The following MAST4 variants were observed in gnomAD, a reference collection of about 807,000 sequenced individuals.
MAST4 encodes microtubule-associated serine/threonine-protein kinase 4.
Under a neutral mutation model 162.7 loss-of-function variants are expected in MAST4, and 89 were observed. The ratio of observed to expected loss-of-function variants is 0.55; its 90% CI spans 0.46 to 0.65. The LOEUF (loss-of-function observed/expected upper bound fraction) is 0.65. Among genes scored for constraint, MAST4 ranks in the 30% least tolerant of loss-of-function variants. The pLI is 0.00. For missense variants in MAST4, 3,153 were observed against 3,374.0 expected (o/e 0.93, Z 1.62); for synonymous variants, 1,479 against 1,361.1 (o/e 1.09, Z -1.91).
At chr5:67,121,506 G>A (rs1243768794) in intron 14 of MAST4, among the ~76,000 whole-genome samples, 1 of 151,448 alleles carries the variant, frequency 6.6e-6, no homozygotes, top group Non-Finnish European at 1.5e-5. Flanking sequence ...AAATTAGCCT[G>A]TATTTCATGT....
chr5:67,027,228 A>G (rs1754756262), intron 4 of MAST4, among the ~76,000 whole-genome samples: 1 of 152,202 alleles, frequency 6.6e-6, no homozygotes, highest in African/African-American at 2.4e-5. Context: ...TATTGGCAGT[A>G]CTGAATTCAC....
chr5:66,622,145 AGATTTTGACAGCATGGTC>A (rs1488953236), intron 1 of MAST4, among the ~76,000 whole-genome samples: 1 of 152,168 alleles, frequency 6.6e-6, no homozygotes, highest in Non-Finnish European at 1.5e-5. Context: ...GGATATTTAT[AGATTTTGACAGCATGGTC>A]GAGGAAGATG....
intron 1 of MAST4, among the ~76,000 whole-genome samples, chr5:66,749,516 G>A (rs1380401345): frequency 9.8e-5 from 15 of 152,322 alleles, no homozygotes; most frequent in East Asian, 5.8e-4. Flanking sequence ...TGGTATGATT[G>A]TAAAGAGTTT....
At chr5:66,901,898 A>G (rs570110037) in intron 4 of MAST4, among the ~76,000 whole-genome samples, 3 of 152,134 alleles carry the variant, frequency 2.0e-5, no homozygotes, top group East Asian at 3.8e-4. Context: ...TCCTCATGCA[A>G]GGTTCTTTTA....
intron 2 of MAST4, among the ~76,000 whole-genome samples, chr5:66,780,523 T>TA (rs1052272551): frequency 9.2e-5 from 14 of 152,278 alleles, no homozygotes; most frequent in East Asian, 1.9e-4. Context: ...TGGCGAGTGT[T>TA]ACAGCTCTTA....
chr5:66,760,403 C>T (rs542847650), intron 2 of MAST4, among the ~76,000 whole-genome samples: 15 of 152,126 alleles, frequency 9.9e-5, no homozygotes, highest in African/African-American at 2.6e-4. Flanking sequence ...TGTGAGCCAC[C>T]GCACCCGGCC....
intron 4 of MAST4, among the ~76,000 whole-genome samples, chr5:66,996,755 C>G (rs1172252100): frequency 6.6e-6 from 1 of 152,198 alleles, no homozygotes; most frequent in East Asian, 1.9e-4. Flanking sequence ...AAGTATCCCT[C>G]TGCCTCACTT....
chr5:66,622,303 T>C (rs1232723973), intron 1 of MAST4, among the ~76,000 whole-genome samples: 1 of 152,000 alleles, frequency 6.6e-6, no homozygotes, highest in Admixed American at 6.6e-5. Context: ...ATTCGAAGAA[T>C]GGTAAGAAGG....
At chr5:66,818,506 G>T (rs1478972514) in intron 3 of MAST4, among the ~76,000 whole-genome samples, 4 of 151,424 alleles carry the variant, frequency 2.6e-5, no homozygotes, top group Non-Finnish European at 5.9e-5. Context: ...ACATCCTCTT[G>T]CTCAACTAGA....
At chr5:66,622,011 GA>G (rs1744107376) in intron 1 of MAST4, among the ~76,000 whole-genome samples, 5 of 152,230 alleles carry the variant, frequency 3.3e-5, no homozygotes, top group South Asian at 4.2e-4. Context: ...GCTATTTACA[GA>G]ATCATGCAGC....
At chr5:67,062,887 C>T (rs1386014330) in intron 5 of MAST4, among the ~76,000 whole-genome samples, 2 of 152,026 alleles carry the variant, frequency 1.3e-5, no homozygotes, top group South Asian at 2.1e-4. Context: ...TTGCTGTCCT[C>T]CTTGTAGAGT....
intron 4 of MAST4, among the ~76,000 whole-genome samples, chr5:66,953,562 A>T (rs898303508): frequency 3.9e-5 from 6 of 152,140 alleles, no homozygotes; most frequent in Non-Finnish European, 8.8e-5. Flanking sequence ...TCTGTCTATA[A>T]AAAGCCATTC....
chr5:67,025,397 G>T (rs1001824290), intron 4 of MAST4, among the ~76,000 whole-genome samples: 1 of 152,168 alleles, frequency 6.6e-6, no homozygotes, highest in Admixed American at 6.6e-5. Context: ...GATGATAGAT[G>T]TATAAATGAA....
chr5:67,060,624 CCTG>C (rs1759453681), intron 5 of MAST4, among the ~76,000 whole-genome samples: 3 of 151,916 alleles, frequency 2.0e-5, no homozygotes. Flanking sequence ...ACTACAGGCG[CCTG>C]CCACCACGCC....
At chr5:66,863,241 A>G (rs1160205402) in intron 3 of MAST4, among the ~76,000 whole-genome samples, 10 of 152,212 alleles carry the variant, frequency 6.6e-5, no homozygotes, top group Non-Finnish European at 1.5e-4. Flanking sequence ...CAGAGGAGAA[A>G]AACTACTGTA....
chr5:66,835,077 TA>T (rs1162861507), intron 3 of MAST4, among the ~76,000 whole-genome samples: 2 of 152,300 alleles, frequency 1.3e-5, no homozygotes, highest in East Asian at 3.9e-4. Flanking sequence ...TGAAACCCCT[TA>T]CAGAATTACA....
At chr5:67,108,980 A>T (rs1280476030) in intron 10 of MAST4, among the ~76,000 whole-genome samples, 1 of 152,192 alleles carries the variant, frequency 6.6e-6, no homozygotes, top group East Asian at 1.9e-4. Context: ...CTAAAAGTGA[A>T]CATACAGAGA....
chr5:66,897,152 T>G (rs1303919927), intron 3 of MAST4, among the ~76,000 whole-genome samples: 1 of 152,210 alleles, frequency 6.6e-6, no homozygotes, highest in African/African-American at 2.4e-5. Context: ...TGGATACTTC[T>G]TGCTGTTTTT....
chr5:67,162,930 T>C (rs759766372), intron 28 of MAST4, 142 bp downstream of exon 28: 65 of 1,028,472 alleles, frequency 6.3e-5, no homozygotes, highest in Admixed American at 1.4e-4. Flanking sequence ...AGAGAGGTCA[T>C]AAGATGTGGC....
Sources: allele counts gnomAD v4.1 joint callset (sites outside exome capture counted in the v4.1 genomes callset), GRCh38; gene constraint gnomAD v4.1.1; transcripts MANE v1.5; gene names NCBI Gene and HGNC (gene_info 2026-07-23, HGNC 2026-07-21).